The following LRIF1 variants were observed in gnomAD, a reference collection of about 807,000 sequenced individuals.
The protein encoded by LRIF1 is ligand dependent nuclear receptor interacting factor 1.
Under a neutral mutation model 52.7 loss-of-function variants are expected in LRIF1, and 32 were observed. The observed-to-expected ratio is 0.61, with a 90% CI of 0.46 to 0.82. The LOEUF is 0.82. LRIF1 is among the 40% of genes least tolerant of loss of function. LRIF1 has a pLI of 0.00. For missense variants in LRIF1, 887 were observed against 892.0 expected (o/e 0.99, Z 0.07); for synonymous variants, 323 against 317.4 (o/e 1.02, Z -0.19).
At chr1:110,915,490 A>AAAATAAATAAAT in the LRIF1 span, among the ~76,000 whole-genome samples, 16,074 of 141,818 alleles carry the variant, frequency 0.11, 2,553 homozygotes, top group African/African-American at 0.36. Flanking sequence ...TCCGTCTCAA[A>AAAATAAATAAAT]AAATAAATAA....
rs957618954 is a variant in LRIF1, at chr1:110,947,610, T to C, written c.*349A>G. 5.8e-6 allele frequency: 1 copy of C among 172,430 alleles called. No homozygotes were observed. Among genetic ancestry groups the C allele is most frequent in the Non-Finnish European group, 1.2e-5 (1 of 81,324 alleles). The allele number at this position is 172,430 out of a possible 1,614,324, so 10.7% of individuals were successfully genotyped here. A position where few individuals can be genotyped will look rare whatever the true frequency, so the allele number is the denominator to read the frequency against. ...TAAAATTTCAGTAATACACAGTCAC[T>C]ATCTACTGCTGGAATAATGCCTGAG... is the stretch of plus-strand genomic sequence containing the variant. On this transcript the variant is annotated 3_prime_UTR_variant, in exon 4 of 4. Transcript: ENST00000369763.
the LRIF1 span, chr1:110,897,724 T>C: frequency 2.6e-6 from 2 of 773,446 alleles, no homozygotes; most frequent in Admixed American, 2.2e-5. Context: ...TAAAGCAAAA[T>C]GCAAAGCACT....
rs1658505444 is a variant in LRIF1 at position 110,952,119 on chromosome 1, T to C, written c.765A>G (p.Thr255=). The change falls in exon 2 of 4, where the codon ACA becomes ACG. Residue 255 remains threonine (T), a synonymous_variant. Coordinates refer to ENST00000369763, the MANE Select transcript of LRIF1 (RefSeq NM_018372.4). ...NFQNIYPKPV[T]EIAKPVILNT... is the part of the protein sequence containing the mutation. The stretch of plus-strand genomic sequence containing the variant: ...TTAGTATTACTGGCTTTGCTATTTC[T>C]GTAACAGGTTTTGGGTAAATGTTTT... 1.2e-6 allele frequency: 2 copies of C among 1,614,232 alleles called. No individual in the cohort carries two copies. The highest frequency in any genetic ancestry group is 1.3e-5 in the African/African-American group (1 of 75,066).
chr1:110,958,872 T>C (rs1351600419), intron 1 of LRIF1, among the ~76,000 whole-genome samples: 1 of 152,248 alleles, frequency 6.6e-6, no homozygotes, highest in East Asian at 1.9e-4. Flanking sequence ...TAAAAATCCA[T>C]GATTTCTTGG....
chr1:110,918,890 T>C, the LRIF1 span, among the ~76,000 whole-genome samples: 1 of 152,096 alleles, frequency 6.6e-6, no homozygotes, highest in East Asian at 1.9e-4. Context: ...CTCCACCCAG[T>C]TGGAAGGAGT....
At chr1:110,917,697 C>A in the LRIF1 span, among the ~76,000 whole-genome samples, 1 of 142,584 alleles carries the variant, frequency 7.0e-6, no homozygotes, top group African/African-American at 2.6e-5. Flanking sequence ...CTGTAGTAAA[C>A]AGTTAAACTG....
the LRIF1 span, among the ~76,000 whole-genome samples, chr1:110,933,563 G>A: frequency 6.6e-6 from 1 of 152,158 alleles, no homozygotes; most frequent in Admixed American, 6.5e-5. Flanking sequence ...CACAGCAATT[G>A]CGGGGCATTG....
downstream of LRIF1, among the ~76,000 whole-genome samples, chr1:110,942,931 G>A (rs940111327): frequency 4.6e-5 from 7 of 151,984 alleles, no homozygotes; most frequent in African/African-American, 1.7e-4. Context: ...ATGAGAACTA[G>A]GTAAGATCAT....
At chr1:110,899,456 A>G in the LRIF1 span, 5 of 350,912 alleles carry the variant, frequency 1.4e-5, no homozygotes, top group African/African-American at 4.3e-5. Flanking sequence ...CTTTTAGACA[A>G]GAGAGGCAAA....
the LRIF1 span, chr1:110,894,552 G>GA: frequency 3.3e-6 from 2 of 600,882 alleles, no homozygotes; most frequent in Non-Finnish European, 5.8e-6. Context: ...TGTAATTGGG[G>GA]GGAAAATTTG....
the LRIF1 span, among the ~76,000 whole-genome samples, chr1:110,916,783 A>G: frequency 5.3e-5 from 8 of 152,224 alleles, no homozygotes; most frequent in Admixed American, 3.9e-4. Context: ...ATGAAGCTGT[A>G]TTAGATAGAC....
the LRIF1 span, among the ~76,000 whole-genome samples, chr1:110,936,137 C>A: frequency 3.3e-5 from 5 of 152,098 alleles, no homozygotes; most frequent in Non-Finnish European, 7.4e-5. Context: ...TAAAGACTTT[C>A]CCAGACAAAC....
chr1:110,905,466 C>T, the LRIF1 span, among the ~76,000 whole-genome samples: 3 of 149,628 alleles, frequency 2.0e-5, no homozygotes, highest in African/African-American at 7.4e-5. Flanking sequence ...CCTTACAGGC[C>T]GAGAGAGTGG....
At chr1:110,899,066 T>C in the LRIF1 span, 1 of 1,300,300 alleles carries the variant, frequency 7.7e-7, no homozygotes, top group Non-Finnish European at 1.1e-6. Context: ...ATCCCAGGCA[T>C]TGTGAAAGAA....
the LRIF1 span, chr1:110,897,876 G>C: frequency 6.2e-7 from 1 of 1,606,092 alleles, no homozygotes; most frequent in Non-Finnish European, 8.5e-7. Context: ...ATCACCATCT[G>C]TGTATGTGTG....
chr1:110,927,901 GGTGA>G, the LRIF1 span, among the ~76,000 whole-genome samples: 5 of 152,062 alleles, frequency 3.3e-5, no homozygotes, highest in African/African-American at 1.2e-4. Context: ...AAAAAGAAAA[GGTGA>G]GTATCTTTTC....
chr1:110,927,999 C>T, the LRIF1 span, among the ~76,000 whole-genome samples: 21 of 152,066 alleles, frequency 1.4e-4, no homozygotes, highest in Non-Finnish European at 2.1e-4. Context: ...CCTTGATCTA[C>T]GTTTTTTCCC....
At chr1:110,928,078 T>C in the LRIF1 span, among the ~76,000 whole-genome samples, 1 of 152,154 alleles carries the variant, frequency 6.6e-6, no homozygotes, top group Non-Finnish European at 1.5e-5. Context: ...CCTGGCAGTT[T>C]TTGGCTATCT....
At chr1:110,939,752 TAA>T in the LRIF1 span, 1 of 152,310 alleles carries the variant, frequency 6.6e-6, no homozygotes, top group Non-Finnish European at 1.5e-5. Context: ...TTCTCTTCAG[TAA>T]ATAGTTCTGG....
Sources: allele counts gnomAD v4.1 joint callset (sites outside exome capture counted in the v4.1 genomes callset), GRCh38; gene constraint gnomAD v4.1.1; transcripts MANE v1.5; gene names NCBI Gene and HGNC (gene_info 2026-07-23, HGNC 2026-07-21).